Variants in NFIC observed in about 807,000 individuals in gnomAD.
NFIC encodes nuclear factor 1 C-type.
A neutral mutation model predicts 54.4 loss-of-function variants in NFIC; 12 were observed. That is an observed-to-expected ratio of 0.22 (90% CI 0.14 to 0.36). The LOEUF is 0.36. NFIC is among the 10% of genes least tolerant of loss of function. The pLI is 1.00. For missense variants in NFIC, 575 were observed against 718.2 expected, an observed-to-expected ratio of 0.80 and a Z score of 2.28; for synonymous variants, 322 against 319.2, an observed-to-expected ratio of 1.01 and a Z score of -0.09.
chr19:3,425,221 C>T lies in NFIC; in HGVS notation c.634+44C>T, dbSNP rs1186830589. The T allele has an allele frequency of 3.8e-6, 6 of 1,563,884 alleles. No individual in the cohort carries two copies. The South Asian group carries it at 6.9e-5, about 18-fold the overall frequency. ...TGGCGGTGAAGGGCGGAGGGCGCAG[C>T]CCTGTCCTCGTCTTTTATTTGGGAA... On this transcript the variant is annotated intron_variant, in intron 3 of 10. Coordinates refer to ENST00000443272, the MANE Select transcript of NFIC (RefSeq NM_001245002.2).
At chr19:3,384,572 A>G (rs1260684975) in intron 2 of NFIC, among the ~76,000 whole-genome samples, 1 of 152,058 alleles carries the variant, frequency 6.6e-6, no homozygotes, top group Non-Finnish European at 1.5e-5. Context: ...TATTTTTAGT[A>G]GAGACGGGGT....
intron 6 of NFIC, among the ~76,000 whole-genome samples, chr19:3,436,375 C>T (rs1032028085): frequency 7.8e-6 from 1 of 128,298 alleles, no homozygotes; most frequent in Non-Finnish European, 1.6e-5. Context: ...CTAAGCTGGT[C>T]TTGAACTCCT....
intron 5 of NFIC, among the ~76,000 whole-genome samples, 191 bp downstream of exon 5, chr19:3,434,591 G>T (rs1039051172): frequency 1.3e-5 from 2 of 152,024 alleles, no homozygotes; most frequent in African/African-American, 4.8e-5. Context: ...AGCCCTGACA[G>T]CCCACCGTGG....
At chr19:3,454,769 C>T (rs1187718929) in intron 9 of NFIC, among the ~76,000 whole-genome samples, 1 of 151,604 alleles carries the variant, frequency 6.6e-6, no homozygotes, top group African/African-American at 2.4e-5. Context: ...ATGAGACCCC[C>T]CACCCCACCC....
In NFIC at chr19:3,366,763, GCGTCC is replaced by G. The variant is rs970581529; in HGVS notation, c.30+99_30+103del. The G allele has an allele frequency of 1.7e-5, 15 of 882,978 alleles. 1 individual carries two copies. In the African/African-American group the frequency reaches 2.3e-4, roughly 14 times the overall value. The allele number at this position is 882,978 out of a possible 1,614,324, so 54.7% of individuals were successfully genotyped here. On this transcript the variant is annotated intron_variant, in intron 1 of 10. Transcript: ENST00000443272. ...GGAGGAGGCGGGACGAAAAAGGCGC[GCGTCC>G]CTCCCGCCATCCCTGCCCGGGATGC... is the stretch of plus-strand genomic sequence containing the variant.
chr19:3,366,838 T>C (rs1274123702), intron 1 of NFIC, among the ~76,000 whole-genome samples, 172 bp downstream of exon 1: 2 of 151,688 alleles, frequency 1.3e-5, no homozygotes, highest in East Asian at 3.9e-4. Context: ...TGGGTCAGGC[T>C]GGGGTACCCC....
intron 1 of NFIC, among the ~76,000 whole-genome samples, chr19:3,379,779 T>G (rs1396017209): frequency 7.0e-6 from 1 of 141,896 alleles, no homozygotes; most frequent in Admixed American, 7.3e-5. Context: ...AGCCTTGACC[T>G]CCTGGGCTCA....
chr19:3,417,181 G>A (rs989625466), intron 2 of NFIC, among the ~76,000 whole-genome samples: 16 of 152,138 alleles, frequency 1.1e-4, no homozygotes, highest in African/African-American at 3.6e-4. Flanking sequence ...CACCACGCCT[G>A]GCCTAATCCC....
In NFIC at chr19:3,467,212, G is replaced by GCCCCCCCCC. The variant is rs374469121; in HGVS notation, c.*4446_*4454dup. 38 of 88,210 alleles carry GCCCCCCCCC rather than the reference G, an allele frequency of 4.3e-4. No homozygotes were observed. Among genetic ancestry groups the GCCCCCCCCC allele is most frequent in the South Asian group, 5.3e-4 (1 of 1,900 alleles). The allele number at this position is 88,210 out of a possible 1,614,324, so 5.5% of individuals were successfully genotyped here. A position where few individuals can be genotyped will look rare whatever the true frequency, so the allele number is the denominator to read the frequency against. ...GCTATGGACACCACACCTATGCCAG[G>GCCCCCCCCC]CCCCCCCCCCCACCCCAGTCTCATT... On this transcript the variant is annotated 3_prime_UTR_variant, in exon 11 of 11. Transcript: ENST00000443272.
In NFIC at chr19:3,458,453, C is replaced by G. The variant is rs1290226130; in HGVS notation, c.1509+1818C>G. On this transcript the variant is annotated intron_variant, in intron 10 of 10. Transcript: ENST00000443272. The surrounding 1 kb of genome is among the most constrained non-coding windows in gnomAD (Gnocchi z 4.1). ...CAAACTCTCTGACCAGGCCCTCCCG[C>G]CAGGGCCCGGGACCCTTCTCTCAGA... 6.6e-6 allele frequency among the ~76,000 whole-genome samples: 1 copy of G among 152,198 alleles called. No individual in the cohort carries two copies. The highest frequency in any genetic ancestry group is 6.5e-5 in the Admixed American group (1 of 15,280).
At chr19:3,409,610 G>T (rs771495851) in intron 2 of NFIC, among the ~76,000 whole-genome samples, 20 of 152,156 alleles carry the variant, frequency 1.3e-4, no homozygotes, top group African/African-American at 4.8e-4. Context: ...TTCAGCCAGC[G>T]GACGCAGGGA....
At chr19:3,384,086 G>A (rs538159709) in intron 2 of NFIC, among the ~76,000 whole-genome samples, 3 of 143,850 alleles carry the variant, frequency 2.1e-5, no homozygotes, top group Non-Finnish European at 4.5e-5. Flanking sequence ...ACAGGGTCTC[G>A]CTCTGTCACC....
In NFIC at chr19:3,369,503, C is replaced by G. The variant is rs909143610; in HGVS notation, c.30+2837C>G. Reference sequence around the variant, plus strand: ...TCCGACCCGGATCCTTCTCGGGAGCCGAGGCTGGCGGGGGGTGGGGGGCAT... The same window carrying G: ...TCCGACCCGGATCCTTCTCGGGAGCGGAGGCTGGCGGGGGGTGGGGGGCAT... On this transcript the variant is annotated intron_variant, in intron 1 of 10. Coordinates refer to ENST00000443272, the MANE Select transcript of NFIC (RefSeq NM_001245002.2). This position sits in a 1 kb window ranked among gnomAD's most constrained non-coding sequence, Gnocchi z 4.3. Among the ~76,000 whole-genome samples, 1 of 152,050 alleles carries G rather than the reference C, an allele frequency of 6.6e-6. No homozygotes were observed. Among genetic ancestry groups the G allele is most frequent in the South Asian group, 2.1e-4 (1 of 4,834 alleles).
chr19:3,367,112 C>T (rs2080904905), intron 1 of NFIC, among the ~76,000 whole-genome samples: 1 of 152,136 alleles, frequency 6.6e-6, no homozygotes, highest in African/African-American at 2.4e-5. Flanking sequence ...CCCTGGGTCT[C>T]CCCAGCTGGA....
At chr19:3,405,286 G>A (rs1014118349) in intron 2 of NFIC, among the ~76,000 whole-genome samples, 1 of 152,178 alleles carries the variant, frequency 6.6e-6, no homozygotes, top group African/African-American at 2.4e-5. Context: ...GCCCCCCCAG[G>A]TCACATCCAG....
In NFIC at chr19:3,449,120, C is replaced by T. The variant is rs746713531; in HGVS notation, c.1065C>T (p.Pro355=). ...RLSSFTQHHR[P]VIAVHSGIAR... is the part of the protein sequence containing the mutation. ...CCAGCTTCACCCAGCACCACCGGCC[C>T]GTCATCGCCGTGCACAGCGGTAAGC... Residue 355 remains proline, a synonymous_variant, in exon 7 of 11, where the codon CCC becomes CCT. Coordinates refer to ENST00000443272, the MANE Select transcript of NFIC (RefSeq NM_001245002.2). 26 of 1,613,396 alleles carry T rather than the reference C, an allele frequency of 1.6e-5. No homozygotes were observed. The highest frequency in any genetic ancestry group is 9.9e-5 in the South Asian group (9 of 91,020).
intron 2 of NFIC, among the ~76,000 whole-genome samples, chr19:3,403,557 A>G (rs1309428650): frequency 6.6e-6 from 1 of 152,166 alleles, no homozygotes; most frequent in African/African-American, 2.4e-5. Context: ...CGCCAAAGCC[A>G]GGGCGTTTGG....
rs888954969 is a variant in NFIC, at chr19:3,460,357, C to T, written c.1510-2395C>T. Among the ~76,000 whole-genome samples, 5 of 152,206 alleles carry T rather than the reference C, an allele frequency of 3.3e-5. No homozygotes were observed. The East Asian group carries it at 7.7e-4, about 23-fold the overall frequency. ...AGACAGGCCTGAGTTCAAGTTCCAC[C>T]TCTGCCGCTTCCATGCTGGTGACCT... On this transcript the variant is annotated intron_variant, in intron 10 of 10. Coordinates refer to ENST00000443272, the MANE Select transcript of NFIC (RefSeq NM_001245002.2).
chr19:3,410,144 C>T (rs924705653), intron 2 of NFIC, among the ~76,000 whole-genome samples: 14 of 152,218 alleles, frequency 9.2e-5, no homozygotes, highest in African/African-American at 2.6e-4. Flanking sequence ...GGGTTCACGC[C>T]ATTCTCCTGC....
Sources: allele counts gnomAD v4.1 joint callset (sites outside exome capture counted in the v4.1 genomes callset), GRCh38; gene constraint gnomAD v4.1.1; non-coding constraint Gnocchi (gnomAD v3.1); transcripts MANE v1.5; gene names NCBI Gene and HGNC (gene_info 2026-07-23, HGNC 2026-07-21).